Variants in CCDC71L observed in about 807,000 individuals in gnomAD.
The protein encoded by CCDC71L is coiled-coil domain containing 71 like.
A neutral mutation model predicts 10.2 loss-of-function variants in CCDC71L; 6 were observed. That is an observed-to-expected ratio of 0.59 (90% CI 0.32 to 1.16). The LOEUF (loss-of-function observed/expected upper bound fraction) is 1.16. Ranked by LOEUF, CCDC71L falls within the 50% of genes most tolerant of loss-of-function variation. The probability of loss-of-function intolerance (pLI) is 0.05; values close to 1 mark genes in which losing one functional copy is unlikely to be tolerated. For missense variants in CCDC71L, 366 were observed against 383.4 expected (o/e 0.95, Z 0.38); for synonymous variants, 204 against 175.5 (o/e 1.16, Z -1.28).
In CCDC71L at chr7:106,660,211, C is replaced by T. The variant is rs1338900632; in HGVS notation, c.686G>A (p.Arg229His). The change falls in exon 1 of 1, where the codon CGC becomes CAC. Residue 229 changes from arginine (R) to histidine (H), a missense_variant. Transcript: ENST00000523505. This position sits in a 1 kb window ranked among gnomAD's most constrained non-coding sequence, Gnocchi z 7.5. Reference sequence around the variant, plus strand: ...ACCTCATGCCCGGGGCACCGGGAAGCGGCGGAGCCTCACCATGGGTTCCAG... The same window carrying T: ...ACCTCATGCCCGGGGCACCGGGAAGTGGCGGAGCCTCACCATGGGTTCCAG... ...VNLEPMVRLR[R>H]FPVPRA 6.4e-7 allele frequency: 1 copy of T among 1,570,090 alleles called. No homozygotes were observed. Among genetic ancestry groups the T allele is most frequent in the Admixed American group, 1.7e-5 (1 of 57,876 alleles).
rs957770975 is a variant in CCDC71L at position 106,655,795 on chromosome 7, A to C, written c.*4394T>G. ...TACTGCATAGTCAGCAAGCTAAAAA[A>C]TTATATGATTTCCTTATGTCTTCAA... On this transcript the variant is annotated 3_prime_UTR_variant, in exon 1 of 1. Transcript: ENST00000523505. 3.3e-5 allele frequency among the ~76,000 whole-genome samples: 5 copies of C among 152,192 alleles called. No individual in the cohort carries two copies. The highest frequency in any genetic ancestry group is 1.2e-4 in the African/African-American group (5 of 41,440).
At position 106,659,561 on chromosome 7, in the gene CCDC71L, T is replaced by C. The variant is rs1475168800; in HGVS notation, c.*628A>G. On this transcript the variant is annotated 3_prime_UTR_variant, in exon 1 of 1. Coordinates refer to ENST00000523505, the MANE Select transcript of CCDC71L (RefSeq NM_175884.6). Reference sequence around the variant, plus strand: ...TCTTTGTTTGTAATCACTGAGCCCATACAAATCCTTGCACTACTAACAGTC... The same window carrying C: ...TCTTTGTTTGTAATCACTGAGCCCACACAAATCCTTGCACTACTAACAGTC... 6.6e-6 allele frequency: 1 copy of C among 152,644 alleles called. No homozygotes were observed. Among genetic ancestry groups the C allele is most frequent in the African/African-American group, 2.4e-5 (1 of 41,446 alleles). The allele number at this position is 152,644 out of a possible 1,614,324, so 9.5% of individuals were successfully genotyped here. A position where few individuals can be genotyped will look rare whatever the true frequency, so the allele number is the denominator to read the frequency against.
rs1792570476 is a variant in CCDC71L at position 106,660,407 on chromosome 7, T to G, written c.490A>C (p.Lys164Gln). 4 of 1,279,954 alleles carry G rather than the reference T, an allele frequency of 3.1e-6. No individual in the cohort carries two copies. The highest frequency in any genetic ancestry group is 9.9e-7 in the Non-Finnish European group (1 of 1,014,608). The allele number at this position is 1,279,954 out of a possible 1,614,324, so 79.3% of individuals were successfully genotyped here. ...PPPPEESCPA[K>Q]PVAPGPCFGG... ...AAGCAGGGCCCGGGGGCCACGGGCTTGGCCGGGCAGCTCTCCTCGGGGGGC... is the reference window on the plus strand; with the variant it reads ...AAGCAGGGCCCGGGGGCCACGGGCTGGGCCGGGCAGCTCTCCTCGGGGGGC... Residue 164 changes from lysine to glutamine, a missense_variant, in exon 1 of 1, where the codon AAG (lysine) becomes CAG (glutamine). Physicochemically the swap from Lys to Gln is moderately conservative, Grantham distance 53. Transcript: ENST00000523505. This position sits in a 1 kb window ranked among gnomAD's most constrained non-coding sequence, Gnocchi z 7.5.
rs889113795 is a variant in CCDC71L at position 106,660,979 on chromosome 7, GGCT to G, written c.-86_-84del. 1.5e-6 allele frequency: 2 copies of G among 1,294,172 alleles called. No individual in the cohort carries two copies. Among genetic ancestry groups the G allele is most frequent in the Non-Finnish European group, 2.0e-6 (2 of 1,023,448 alleles). The allele number at this position is 1,294,172 out of a possible 1,614,324, so 80.2% of individuals were successfully genotyped here. A position where few individuals can be genotyped will look rare whatever the true frequency, so the allele number is the denominator to read the frequency against. On this transcript the variant is annotated 5_prime_UTR_variant, in exon 1 of 1. Coordinates refer to ENST00000523505, the MANE Select transcript of CCDC71L (RefSeq NM_175884.6). This position sits in a 1 kb window ranked among gnomAD's most constrained non-coding sequence, Gnocchi z 7.5. Reference sequence around the variant, plus strand: ...CAGTCCGCGTTGGCTCCGCGGCGGCGGCTGCTGCTGGCGTCTCTCGCTACTTTT... The same window carrying G: ...CAGTCCGCGTTGGCTCCGCGGCGGCGGCTGCTGGCGTCTCTCGCTACTTTT...
chr7:106,658,218 A>G lies in CCDC71L; in HGVS notation c.*1971T>C, dbSNP rs1013880330. The G allele has an allele frequency of 2.0e-5, 3 of 152,264 alleles. No individual in the cohort carries two copies. The highest frequency in any genetic ancestry group is 4.1e-4 in the South Asian group (2 of 4,826). The allele number at this position is 152,264 out of a possible 1,614,324, so 9.4% of individuals were successfully genotyped here. Reference sequence around the variant, plus strand: ...AGATATGTCTAAGCTTCCTATCACAAATATAATTTAACACTCTCCATCTTC... The same window carrying G: ...AGATATGTCTAAGCTTCCTATCACAGATATAATTTAACACTCTCCATCTTC... On this transcript the variant is annotated 3_prime_UTR_variant, in exon 1 of 1. Coordinates refer to ENST00000523505, the MANE Select transcript of CCDC71L (RefSeq NM_175884.6).
Position 106,656,496 on chromosome 7 carries a change from A to AT in CCDC71L, c.*3692dup, listed in dbSNP as rs545050125. Among the ~76,000 whole-genome samples the AT allele has an allele frequency of 2.4e-3, 353 of 148,602 alleles. 1 individual carries two copies. The highest frequency in any genetic ancestry group is 7.5e-3 in the African/African-American group (304 of 40,704). ...TTTAGAGAATTCTGAATTTTGATGC[A>AT]TTTTTTTTTTGTAGGATATTTTATT... On this transcript the variant is annotated 3_prime_UTR_variant, in exon 1 of 1. Transcript: ENST00000523505.
In CCDC71L at chr7:106,660,601, T is replaced by C; in HGVS notation, c.296A>G (p.Tyr99Cys). ...SPHILRSKDV[Y>C]GYSSCRALVP... ...CAGGGCCCGGCAGGAGGAGTAGCCG[T>C]AGACGTCCTTGCTGCGCAGGATGTG... The change falls in exon 1 of 1, where the codon TAC becomes TGC. Residue 99 changes from tyrosine (Y) to cysteine (C), a missense_variant. Transcript: ENST00000523505. This position sits in a 1 kb window ranked among gnomAD's most constrained non-coding sequence, Gnocchi z 7.5. 5.1e-6 allele frequency: 8 copies of C among 1,580,398 alleles called. No individual in the cohort carries two copies. The highest frequency in any genetic ancestry group is 6.9e-6 in the Non-Finnish European group (8 of 1,164,398).
rs1197213871 is a variant in CCDC71L at position 106,660,946 on chromosome 7, C to T, written c.-50G>A. 1.5e-6 allele frequency: 2 copies of T among 1,307,874 alleles called. No homozygotes were observed. Among genetic ancestry groups the T allele is most frequent in the Non-Finnish European group, 1.9e-6 (2 of 1,030,006 alleles). The allele number at this position is 1,307,874 out of a possible 1,614,324, so 81.0% of individuals were successfully genotyped here. On this transcript the variant is annotated 5_prime_UTR_variant, in exon 1 of 1. Transcript: ENST00000523505. This position sits in a 1 kb window ranked among gnomAD's most constrained non-coding sequence, Gnocchi z 7.5. ...GCTCGCCGGGTCCCACTACTGCCGC[C>T]GCCGTCCCAGTCCGCGTTGGCTCCG...
rs1463922104 is a variant in CCDC71L at position 106,658,818 on chromosome 7, G to A, written c.*1371C>T. 6.6e-6 allele frequency: 1 copy of A among 152,444 alleles called. No homozygotes were observed. Among genetic ancestry groups the A allele is most frequent in the East Asian group, 1.9e-4 (1 of 5,200 alleles). 9.4% of individuals were successfully genotyped at this position (152,444 alleles called of 1,614,324 possible). A position where few individuals can be genotyped will look rare whatever the true frequency, so the allele number is the denominator to read the frequency against. ...GAAGGGTCAGTATTCTGTGTGTCTC[G>A]CCTGTTTGATTCCTGTGGTCTTCAG... On this transcript the variant is annotated 3_prime_UTR_variant, in exon 1 of 1. Transcript: ENST00000523505.
At position 106,660,701 on chromosome 7, in the gene CCDC71L, G is replaced by T. The variant is rs1237641047; in HGVS notation, c.196C>A (p.Arg66Ser). ...LGDAFKLFMP[R>S]STEFMSSDAE... Reference sequence around the variant, plus strand: ...TCCGAGCTCATGAACTCCGTGCTGCGGGGCATGAAGAGCTTGAAGGCGTCG... The same window carrying T: ...TCCGAGCTCATGAACTCCGTGCTGCTGGGCATGAAGAGCTTGAAGGCGTCG... Residue 66 changes from arginine (R) to serine (S), a missense_variant, in exon 1 of 1, where the codon CGC becomes AGC. Physicochemically the swap from Arg to Ser is moderately radical, Grantham distance 110. Coordinates refer to ENST00000523505, the MANE Select transcript of CCDC71L (RefSeq NM_175884.6). The surrounding 1 kb of genome is among the most constrained non-coding windows in gnomAD (Gnocchi z 7.5). 1.9e-6 allele frequency: 3 copies of T among 1,583,448 alleles called. No individual in the cohort carries two copies. The Admixed American group carries it at 5.4e-5, about 28-fold the overall frequency.
In CCDC71L at chr7:106,656,572, G is replaced by C. The variant is rs954109929; in HGVS notation, c.*3617C>G. Among the ~76,000 whole-genome samples, 1 of 151,306 alleles carries C rather than the reference G, an allele frequency of 6.6e-6. No individual in the cohort carries two copies. The highest frequency in any genetic ancestry group is 1.5e-5 in the Non-Finnish European group (1 of 67,890). ...GCTTGTAGCGCCATCCTAAAAATTCGCTAGATAATTAAAGAATTGATGGAA... is the reference window on the plus strand; with the variant it reads ...GCTTGTAGCGCCATCCTAAAAATTCCCTAGATAATTAAAGAATTGATGGAA... On this transcript the variant is annotated 3_prime_UTR_variant, in exon 1 of 1. Transcript: ENST00000523505.
chr7:106,659,935 G>A lies in CCDC71L; in HGVS notation c.*254C>T, dbSNP rs1584307857. ...TCAGGAAGAAAGGGACCTCCCCTGC[G>A]GGTCCAGCTGTCCCCTCCCTCCGCA... On this transcript the variant is annotated 3_prime_UTR_variant, in exon 1 of 1. Transcript: ENST00000523505. 5 of 470,842 alleles carry A rather than the reference G, an allele frequency of 1.1e-5. No individual in the cohort carries two copies. Among genetic ancestry groups the A allele is most frequent in the African/African-American group, 8.2e-5 (4 of 48,802 alleles). The allele number at this position is 470,842 out of a possible 1,614,324, so 29.2% of individuals were successfully genotyped here.
In CCDC71L at chr7:106,660,491, C is replaced by T. The variant is rs1792573990; in HGVS notation, c.406G>A (p.Gly136Arg). The stretch of plus-strand genomic sequence containing the variant: ...CTGCGGGCAGCGGCCGCCCGGGCTC[C>T]GCGGCGCCTCCTCCTGGCCGCTGCG... ...PRAAARRRRR[G>R]ARAAAARRRK... Residue 136 changes from glycine (G) to arginine (R), a missense_variant, in exon 1 of 1, where the codon GGA becomes AGA. Transcript: ENST00000523505. The surrounding 1 kb of genome is among the most constrained non-coding windows in gnomAD (Gnocchi z 7.5). 1 of 1,231,212 alleles carries T rather than the reference C, an allele frequency of 8.1e-7. No individual in the cohort carries two copies. The allele number at this position is 1,231,212 out of a possible 1,614,324, so 76.3% of individuals were successfully genotyped here.
Position 106,660,678 on chromosome 7 carries a change from C to A in CCDC71L, c.219G>T (p.Ser73=), listed in dbSNP as rs377326255. ...AGAGGAAGCTCCAGAGCTCCGCGTC[C>A]GAGCTCATGAACTCCGTGCTGCGGG... is the stretch of plus-strand genomic sequence containing the variant. The part of the protein sequence containing the change: ...FMPRSTEFMS[S]DAELWSFLCS... Residue 73 remains serine (S), a synonymous_variant, in exon 1 of 1, where the codon TCG becomes TCT. Coordinates refer to ENST00000523505, the MANE Select transcript of CCDC71L (RefSeq NM_175884.6). This position sits in a 1 kb window ranked among gnomAD's most constrained non-coding sequence, Gnocchi z 7.5. 6 of 1,586,358 alleles carry A rather than the reference C, an allele frequency of 3.8e-6. No homozygotes were observed. The highest frequency in any genetic ancestry group is 5.1e-6 in the Non-Finnish European group (6 of 1,166,356).
Position 106,654,477 on chromosome 7 carries a change from C to G in CCDC71L, c.*5712G>C, listed in dbSNP as rs1792460064. Among the ~76,000 whole-genome samples, 1 of 151,596 alleles carries G rather than the reference C, an allele frequency of 6.6e-6. No homozygotes were observed. The highest frequency in any genetic ancestry group is 6.6e-5 in the Admixed American group (1 of 15,228). The stretch of plus-strand genomic sequence containing the variant: ...TATTCACACAGTGGAATTCTATACA[C>G]CAATGAGAATAAATGATCTACAATA... On this transcript the variant is annotated 3_prime_UTR_variant, in exon 1 of 1. Coordinates refer to ENST00000523505, the MANE Select transcript of CCDC71L (RefSeq NM_175884.6).
chr7:106,655,740 A>G lies in CCDC71L; in HGVS notation c.*4449T>C, dbSNP rs1792480413. Among the ~76,000 whole-genome samples, 1 of 152,204 alleles carries G rather than the reference A, an allele frequency of 6.6e-6. No homozygotes were observed. The highest frequency in any genetic ancestry group is 1.5e-5 in the Non-Finnish European group (1 of 68,026). ...CTTTAAAAAAACTCCAACAACAAAA[A>G]TTGTAATAAATCAACTTAATCCAAT... On this transcript the variant is annotated 3_prime_UTR_variant, in exon 1 of 1. Transcript: ENST00000523505.
rs1376490507 is a variant in CCDC71L at position 106,660,469 on chromosome 7, C to A, written c.428G>T (p.Arg143Leu). ...RRRGARAAAA[R>L]RRKPRPPPPP... is the part of the protein sequence containing the mutation. ...GGGTGGCGGCCGGGGCTTCCTCCTGCGGGCAGCGGCCGCCCGGGCTCCGCG... is the reference window on the plus strand; with the variant it reads ...GGGTGGCGGCCGGGGCTTCCTCCTGAGGGCAGCGGCCGCCCGGGCTCCGCG... Residue 143 changes from arginine (R) to leucine (L), a missense_variant, in exon 1 of 1, where the codon CGC becomes CTC. Arg to Leu is a moderately radical substitution (Grantham distance 102). Coordinates refer to ENST00000523505, the MANE Select transcript of CCDC71L (RefSeq NM_175884.6). This position sits in a 1 kb window ranked among gnomAD's most constrained non-coding sequence, Gnocchi z 7.5. The A allele has an allele frequency of 1.2e-5, 15 of 1,225,196 alleles. 1 individual carries two copies. In the South Asian group the frequency reaches 1.6e-4, roughly 13 times the overall value. 75.9% of individuals were successfully genotyped at this position (1,225,196 alleles called of 1,614,324 possible). A position where few individuals can be genotyped will look rare whatever the true frequency, so the allele number is the denominator to read the frequency against.
In CCDC71L at chr7:106,661,150, T is replaced by G. The variant is rs1265768902; in HGVS notation, c.-254A>C. Among the ~76,000 whole-genome samples the G allele has an allele frequency of 6.6e-6, 1 of 152,100 alleles. No homozygotes were observed. The highest frequency in any genetic ancestry group is 1.5e-5 in the Non-Finnish European group (1 of 67,994). On this transcript the variant is annotated 5_prime_UTR_variant, in exon 1 of 1. Transcript: ENST00000523505. ...TCGCCCCCCTGGTTTCTCTTTCTTCTCCTCTCTTGCCTCTTTTCGCCGGCT... is the reference window on the plus strand; with the variant it reads ...TCGCCCCCCTGGTTTCTCTTTCTTCGCCTCTCTTGCCTCTTTTCGCCGGCT...
In CCDC71L at chr7:106,660,072, T is replaced by G; in HGVS notation, c.*117A>C. On this transcript the variant is annotated 3_prime_UTR_variant, in exon 1 of 1. Coordinates refer to ENST00000523505, the MANE Select transcript of CCDC71L (RefSeq NM_175884.6). The surrounding 1 kb of genome is among the most constrained non-coding windows in gnomAD (Gnocchi z 7.5). ...GCAACTTCTTCGCGCGTAAAGTGCATTGGGGGCCGGGGTCCTGGCCGGATC... is the reference window on the plus strand; with the variant it reads ...GCAACTTCTTCGCGCGTAAAGTGCAGTGGGGGCCGGGGTCCTGGCCGGATC... 1 of 1,295,658 alleles carries G rather than the reference T, an allele frequency of 7.7e-7. No homozygotes were observed. Among genetic ancestry groups the G allele is most frequent in the African/African-American group, 1.6e-5 (1 of 63,808 alleles). 80.3% of individuals were successfully genotyped at this position (1,295,658 alleles called of 1,614,324 possible). A position where few individuals can be genotyped will look rare whatever the true frequency, so the allele number is the denominator to read the frequency against.
Sources: gnomAD v4.1 joint callset for allele counts (sites outside exome capture counted in the v4.1 genomes callset) on GRCh38, gnomAD v4.1.1 for gene constraint, Gnocchi (gnomAD v3.1) non-coding constraint, MANE v1.5 for transcripts, NCBI Gene and HGNC (gene_info 2026-07-23, HGNC 2026-07-21) for gene names.